LMNTD1: variants seen among roughly 807,000 people sequenced by gnomAD.
LMNTD1 encodes lamin tail domain-containing protein 1.
LMNTD1 carries 35 observed loss-of-function variants against 50.9 expected under a neutral mutation model. The observed-to-expected ratio is 0.69, with a 90% confidence interval of 0.53 to 0.91. LMNTD1 has a LOEUF of 0.91. Ranked by LOEUF, LMNTD1 falls within the 40% of genes least tolerant of loss-of-function variation. LMNTD1 has a pLI of 0.00. For synonymous variants in LMNTD1, 153 were observed against 161.9 expected (o/e 0.94, Z 0.42); for missense variants, 470 against 475.5 (o/e 0.99, Z 0.11).
intron 1 of LMNTD1, among the ~76,000 whole-genome samples, chr12:25,566,603 C>T (rs959497812): frequency 8.5e-5 from 13 of 152,190 alleles, no homozygotes; most frequent in East Asian, 1.9e-4. Flanking sequence ...TGGCTTTAGG[C>T]GCAAATATAA....
chr12:25,619,696 G>A (rs1418738680), intron 1 of LMNTD1, among the ~76,000 whole-genome samples: 10 of 152,156 alleles, frequency 6.6e-5, no homozygotes, highest in Admixed American at 6.6e-4. Flanking sequence ...AGTGCTCCGT[G>A]GGCAGGACGG....
intron 1 of LMNTD1, among the ~76,000 whole-genome samples, chr12:25,589,681 C>A (rs965771244): frequency 6.6e-6 from 1 of 152,144 alleles, no homozygotes; most frequent in East Asian, 1.9e-4. Context: ...ATGCTCCAGA[C>A]CAGCCAAATT....
intron 1 of LMNTD1, among the ~76,000 whole-genome samples, chr12:25,603,552 C>A (rs1051144877): frequency 1.3e-5 from 2 of 151,708 alleles, no homozygotes; most frequent in Non-Finnish European, 2.9e-5. Context: ...AGTTGGAAGG[C>A]CCCTAAGAGG....
At chr12:25,482,853 G>A (rs1938487386) in intron 9 of LMNTD1, among the ~76,000 whole-genome samples, 1 of 151,888 alleles carries the variant, frequency 6.6e-6, no homozygotes, top group Admixed American at 6.6e-5. Context: ...GCATTCTGAG[G>A]CCCAGAAAGT....
chr12:25,640,009 C>A lies in LMNTD1; in HGVS notation c.58+8485G>T, dbSNP rs1462947475. On this transcript the variant is annotated intron_variant, in intron 1 of 7. Transcript: ENST00000445693. ...TGATACATACTACCACATGGATGAA[C>A]CTTGAAAACATGCTAAGTGAAAGAA... Among the ~76,000 whole-genome samples, 10 of 152,188 alleles carry A rather than the reference C, an allele frequency of 6.6e-5. No individual in the cohort carries two copies. The East Asian group carries it at 1.4e-3, about 21-fold the overall frequency.
chr12:25,589,465 G>A (rs1945632881), intron 1 of LMNTD1, among the ~76,000 whole-genome samples: 1 of 152,106 alleles, frequency 6.6e-6, no homozygotes, highest in Admixed American at 6.5e-5. Context: ...ATAGGGGCTG[G>A]GATTGGGGAT....
At chr12:25,528,493 C>T (rs889599760) in intron 4 of LMNTD1, among the ~76,000 whole-genome samples, 1 of 152,208 alleles carries the variant, frequency 6.6e-6, no homozygotes, top group African/African-American at 2.4e-5. Flanking sequence ...TAGTGGTCTC[C>T]AACCACCTGG....
intron 8 of LMNTD1, among the ~76,000 whole-genome samples, chr12:25,514,534 G>C (rs1013382593): frequency 2.8e-5 from 4 of 143,988 alleles, no homozygotes; most frequent in African/African-American, 7.7e-5. Context: ...TTGCAGGGCA[G>C]GGAGGTAAGG....
intron 8 of LMNTD1, among the ~76,000 whole-genome samples, chr12:25,513,797 A>C (rs948246886): frequency 6.6e-6 from 1 of 152,218 alleles, no homozygotes; most frequent in East Asian, 1.9e-4. Context: ...TAGCATTTTC[A>C]AAAGCAGTAG....
chr12:25,632,859 T>G (rs185974832), intron 1 of LMNTD1, among the ~76,000 whole-genome samples: 115 of 152,304 alleles, frequency 7.6e-4, no homozygotes, highest in African/African-American at 2.7e-3. Flanking sequence ...AATATTCCAC[T>G]TAAGAGATAC....
chr12:25,549,975 A>G (rs1242382653), intron 2 of LMNTD1, among the ~76,000 whole-genome samples: 2 of 152,152 alleles, frequency 1.3e-5, no homozygotes, highest in African/African-American at 4.8e-5. Flanking sequence ...AATCATGATT[A>G]TAATTCTGGT....
chr12:25,545,563 A>G (rs973737013), intron 4 of LMNTD1, among the ~76,000 whole-genome samples: 16 of 151,638 alleles, frequency 1.1e-4, no homozygotes, highest in African/African-American at 3.9e-4. Flanking sequence ...ACCATTTTTA[A>G]TAGGATTGCA....
chr12:25,527,726 A>G (rs1941911165), intron 4 of LMNTD1, among the ~76,000 whole-genome samples: 1 of 137,586 alleles, frequency 7.3e-6, no homozygotes, highest in Non-Finnish European at 1.6e-5. Flanking sequence ...ACACATATAC[A>G]CACATATATA....
intron 1 of LMNTD1, among the ~76,000 whole-genome samples, chr12:25,607,696 A>C (rs561409830): frequency 6.6e-6 from 1 of 152,324 alleles, no homozygotes; most frequent in East Asian, 1.9e-4. Flanking sequence ...GTGGTCTGAG[A>C]GACAGTTTAT....
intron 1 of LMNTD1, among the ~76,000 whole-genome samples, chr12:25,581,063 A>G (rs968249571): frequency 3.9e-5 from 6 of 152,204 alleles, no homozygotes; most frequent in Non-Finnish European, 8.8e-5. Context: ...AATCTCTCCA[A>G]TCAAAAGAGA....
intron 1 of LMNTD1, among the ~76,000 whole-genome samples, chr12:25,596,780 G>A (rs1041044459): frequency 4.6e-5 from 7 of 152,028 alleles, no homozygotes; most frequent in East Asian, 1.9e-4. Context: ...TTATAACACC[G>A]TAACAGTGGT....
chr12:25,587,897 A>G (rs4963625), intron 1 of LMNTD1, among the ~76,000 whole-genome samples: 19,807 of 152,174 alleles, frequency 0.13, 1,545 homozygotes, highest in East Asian at 0.33. Flanking sequence ...ATTTTTTAAA[A>G]AAATTAACTC....
intron 4 of LMNTD1, among the ~76,000 whole-genome samples, chr12:25,527,675 T>TAC (rs1486579754): frequency 4.1e-4 from 9 of 21,988 alleles, no homozygotes; most frequent in South Asian, 1.9e-3. Flanking sequence ...TATATATATA[T>TAC]ATATATACAC....
intron 1 of LMNTD1, among the ~76,000 whole-genome samples, chr12:25,585,723 T>C (rs1276992339): frequency 3.3e-5 from 5 of 152,210 alleles, no homozygotes; most frequent in Admixed American, 6.5e-5. Context: ...GGAAATTGTG[T>C]TTTACCTGAC....
Sources: allele counts gnomAD v4.1 joint callset (sites outside exome capture counted in the v4.1 genomes callset), GRCh38; gene constraint gnomAD v4.1.1; transcripts MANE v1.5; gene names NCBI Gene and HGNC (gene_info 2026-07-23, HGNC 2026-07-21).